The following RALGAPA1 variants were observed in gnomAD, a reference collection of about 807,000 sequenced individuals.
RALGAPA1 encodes the protein ral GTPase-activating protein subunit alpha-1.
RALGAPA1 carries 52 observed loss-of-function variants against 269.6 expected under a neutral mutation model. The ratio of observed to expected loss-of-function variants is 0.19; its 90% CI spans 0.15 to 0.24. The LOEUF is 0.24. Among genes scored for constraint, RALGAPA1 ranks in the 10% least tolerant of loss-of-function variants. RALGAPA1 has a pLI of 1.00. For synonymous variants in RALGAPA1, 817 were observed against 1,008.3 expected (o/e 0.81, Z 3.60); for missense variants, 1,917 against 3,013.9 (o/e 0.64, Z 8.52).
intron 12 of RALGAPA1, among the ~76,000 whole-genome samples, chr14:35,732,542 A>G (rs1488754446): frequency 6.6e-6 from 1 of 152,224 alleles, no homozygotes; most frequent in Middle Eastern, 3.2e-3. Context: ...TCGCATAAGT[A>G]AAGGGGTGGA....
intron 37 of RALGAPA1, among the ~76,000 whole-genome samples, chr14:35,594,808 C>G (rs2058835484): frequency 1.3e-5 from 2 of 151,628 alleles, no homozygotes; most frequent in Admixed American, 1.3e-4. Flanking sequence ...TGGGCATATA[C>G]TCAAAGGAAA....
chr14:35,776,363 C>T (rs1280925822), intron 1 of RALGAPA1, among the ~76,000 whole-genome samples: 1 of 147,650 alleles, frequency 6.8e-6, no homozygotes, highest in Non-Finnish European at 1.5e-5. Flanking sequence ...CCTGGGAAGA[C>T]AGAGTGAGAC....
chr14:35,740,676 C>T (rs1488937580), intron 11 of RALGAPA1, among the ~76,000 whole-genome samples: 8 of 152,168 alleles, frequency 5.3e-5, no homozygotes, highest in Admixed American at 4.6e-4. Flanking sequence ...GGCATGGTGG[C>T]GAGTGCCTGT....
intron 1 of RALGAPA1, among the ~76,000 whole-genome samples, chr14:35,792,219 C>T (rs1034285966): frequency 6.6e-6 from 1 of 151,948 alleles, no homozygotes; most frequent in African/African-American, 2.4e-5. Context: ...TGCAGTGGCA[C>T]GATTTCAGCT....
chr14:35,657,491 G>C (rs2063260894), intron 28 of RALGAPA1, among the ~76,000 whole-genome samples: 1 of 150,140 alleles, frequency 6.7e-6, no homozygotes, highest in Non-Finnish European at 1.5e-5. Flanking sequence ...CGCCTGGCCT[G>C]GGAGTATGTT....
intron 4 of RALGAPA1, among the ~76,000 whole-genome samples, chr14:35,763,540 T>G (rs2073896091): frequency 6.6e-6 from 1 of 152,152 alleles, no homozygotes; most frequent in African/African-American, 2.4e-5. Flanking sequence ...GTTATTTATA[T>G]GTTACTTTTC....
At chr14:35,539,764 A>T in intron 41 of RALGAPA1, 74 bp from the exon 42 acceptor site, 2 of 1,560,104 alleles carry the variant, frequency 1.3e-6, no homozygotes, top group Non-Finnish European at 1.7e-6. Context: ...TTCTGCTACT[A>T]ATCTGCAGCA....
chr14:35,718,085 G>A (rs2069009087), intron 16 of RALGAPA1, among the ~76,000 whole-genome samples: 1 of 152,090 alleles, frequency 6.6e-6, no homozygotes, highest in South Asian at 2.1e-4. Flanking sequence ...ACTTAAAACA[G>A]TCGTCCTATG....
chr14:35,587,184 GTCTTGGGA>G (rs2058351762), intron 37 of RALGAPA1, among the ~76,000 whole-genome samples: 1 of 152,148 alleles, frequency 6.6e-6, no homozygotes, highest in Admixed American at 6.5e-5. Flanking sequence ...TCCTGGTTTA[GTCTTGGGA>G]GGGTGTATGT....
At chr14:35,759,802 C>T (rs1395480168) in intron 6 of RALGAPA1, among the ~76,000 whole-genome samples, 1 of 151,500 alleles carries the variant, frequency 6.6e-6, no homozygotes, top group African/African-American at 2.4e-5. Context: ...GTCCCAGCTA[C>T]TCGGGAGGCT....
At chr14:35,652,383 T>TATATATATATATATATAC (rs968163110) in intron 30 of RALGAPA1, among the ~76,000 whole-genome samples, 1 of 148,792 alleles carries the variant, frequency 6.7e-6, no homozygotes, top group African/African-American at 2.5e-5. Flanking sequence ...TATATATATA[T>TATATATATATATATATAC]ACACACACAC....
At chr14:35,605,260 C>G (rs976491486) in intron 36 of RALGAPA1, among the ~76,000 whole-genome samples, 1 of 152,094 alleles carries the variant, frequency 6.6e-6, no homozygotes, top group Non-Finnish European at 1.5e-5. Context: ...CCACACATTC[C>G]TGGAAAGCCT....
At chr14:35,650,646 A>G (rs1394520496) in intron 31 of RALGAPA1, among the ~76,000 whole-genome samples, 1 of 152,240 alleles carries the variant, frequency 6.6e-6, no homozygotes, top group East Asian at 1.9e-4. Flanking sequence ...AACTGGGAAT[A>G]GGTCCAGAAA....
intron 37 of RALGAPA1, among the ~76,000 whole-genome samples, chr14:35,589,636 C>T (rs909771476): frequency 8.5e-5 from 13 of 152,132 alleles, no homozygotes; most frequent in Middle Eastern, 3.4e-3. Context: ...TAATTTTAAA[C>T]TCTGCATTGG....
In RALGAPA1 at chr14:35,762,753, C is replaced by A; in HGVS notation, c.326G>T (p.Gly109Val). The part of the protein sequence containing the change: ...IHQRWQFHSI[G>V]LILKKLLHTG... ...GTGAAGTAGCTTCTTTAAAATCAAT[C>A]CTGAAAAGAAAATATGATTTTAAAT... The change falls in exon 5 of 42, where the codon GGA becomes GTA. Residue 109 changes from glycine to valine, a missense_variant and splice_region_variant. Transcript: ENST00000680220. The A allele has an allele frequency of 6.9e-7, 1 of 1,454,564 alleles. No homozygotes were observed. The highest frequency in any genetic ancestry group is 9.7e-7 in the Non-Finnish European group (1 of 1,035,252). The allele number at this position is 1,454,564 out of a possible 1,614,324, so 90.1% of individuals were successfully genotyped here. A position where few individuals can be genotyped will look rare whatever the true frequency, so the allele number is the denominator to read the frequency against.
rs557333688 is a variant in RALGAPA1 at position 35,702,527 on chromosome 14, G to A, written c.2267-2225C>T. Among the ~76,000 whole-genome samples, 13 of 152,008 alleles carry A rather than the reference G, an allele frequency of 8.6e-5. 1 individual carries two copies. In the South Asian group the frequency reaches 1.7e-3, roughly 19 times the overall value. On this transcript the variant is annotated intron_variant, in intron 16 of 41. Transcript: ENST00000680220. Reference sequence around the variant, plus strand: ...AATCTCACCCTATTCCAGTTTTCCCGCTAGCTTCTTCCCTTCTTGAGAAAG... The same window carrying A: ...AATCTCACCCTATTCCAGTTTTCCCACTAGCTTCTTCCCTTCTTGAGAAAG...
At position 35,667,785 on chromosome 14, in the gene RALGAPA1, T is replaced by A. The variant is rs1300724938; in HGVS notation, c.5203-3018A>T. ...AATCAAAAATAGAACTTCCATATGATCCAGCAATTCCACAATTGGATATAC... is the reference window on the plus strand; with the variant it reads ...AATCAAAAATAGAACTTCCATATGAACCAGCAATTCCACAATTGGATATAC... On this transcript the variant is annotated intron_variant, in intron 26 of 41. Coordinates refer to ENST00000680220, the MANE Select transcript of RALGAPA1 (RefSeq NM_001346249.2). Among the ~76,000 whole-genome samples the A allele has an allele frequency of 2.0e-5, 3 of 152,112 alleles. No homozygotes were observed. The East Asian group carries it at 5.8e-4, about 29-fold the overall frequency.
At chr14:35,783,049 C>T (rs2075563217) in intron 1 of RALGAPA1, among the ~76,000 whole-genome samples, 1 of 152,008 alleles carries the variant, frequency 6.6e-6, no homozygotes. Flanking sequence ...GTCTCAAACT[C>T]CCGGACTCAA....
chr14:35,612,719 T>C (rs2060027602), intron 35 of RALGAPA1, among the ~76,000 whole-genome samples: 1 of 152,032 alleles, frequency 6.6e-6, no homozygotes, highest in East Asian at 1.9e-4. Flanking sequence ...TTTGTATTTT[T>C]AGTAGAGATG....
Sources: allele counts gnomAD v4.1 joint callset (sites outside exome capture counted in the v4.1 genomes callset), GRCh38; gene constraint gnomAD v4.1.1; transcripts MANE v1.5; gene names NCBI Gene and HGNC (gene_info 2026-07-23, HGNC 2026-07-21).